Variants in GKN1 observed in about 807,000 individuals in gnomAD.
GKN1 encodes the protein gastrokine 1, also known as gastrokine-1.
Under a neutral mutation model 19.7 loss-of-function variants are expected in GKN1, and 17 were observed. The observed-to-expected ratio is 0.86, with a 90% confidence interval of 0.59 to 1.29. GKN1 has a LOEUF of 1.29. GKN1 is among the 50% of genes most tolerant of loss of function. The pLI is 0.00. For synonymous variants in GKN1, 96 were observed against 78.3 expected (o/e 1.23, Z -1.20); for missense variants, 218 against 224.5 (o/e 0.97, Z 0.19).
At chr2:68,975,819 G>A (rs1670252411) in intron 1 of GKN1, among the ~76,000 whole-genome samples, 1 of 152,122 alleles carries the variant, frequency 6.6e-6, no homozygotes, top group Non-Finnish European at 1.5e-5. Flanking sequence ...TTCTACCTCT[G>A]ACTTTTTAGG....
At chr2:68,980,150 G>T in intron 5 of GKN1, 90 bp downstream of exon 5, 1 of 1,125,362 alleles carries the variant, frequency 8.9e-7, no homozygotes, top group Non-Finnish European at 1.3e-6. Context: ...CACCAGTGAT[G>T]CAGGGATGGT....
Position 68,974,685 on chromosome 2 carries a change from T to C in GKN1, c.8T>C (p.Phe3Ser), listed in dbSNP as rs749800360. 2.3e-5 allele frequency: 36 copies of C among 1,581,484 alleles called. No individual in the cohort carries two copies. The highest frequency in any genetic ancestry group is 3.0e-5 in the Non-Finnish European group (34 of 1,150,214). The change falls in exon 1 of 6, where the codon TTC becomes TCC. Residue 3 changes from phenylalanine to serine, a missense_variant. Phe to Ser is a radical substitution (Grantham distance 155, BLOSUM62 -2). Coordinates refer to ENST00000377938, the MANE Select transcript of GKN1 (RefSeq NM_019617.4). ...TGCTTTCGTGAAGACAAGATGAAGT[T>C]CACAGTGAGTAGATTTTTCCTTTTG... is the stretch of plus-strand genomic sequence containing the variant. MK[F>S]TIVFAGLLGV...
chr2:68,978,271 G>GGAAAGAAAGAAAGAAAGAAAGAAA lies in GKN1; in HGVS notation c.204+500_204+523dup, dbSNP rs773400726. ...AGGAAAGAAAGAAAGAAGGAAGGAA[G>GGAAAGAAAGAAAGAAAGAAAGAAA]GAAAGAAAGAAAGAAAGAAAGAAAG... On this transcript the variant is annotated intron_variant, in intron 3 of 5. Coordinates refer to ENST00000377938, the MANE Select transcript of GKN1 (RefSeq NM_019617.4). Among the ~76,000 whole-genome samples the GGAAAGAAAGAAAGAAAGAAAGAAA allele has an allele frequency of 4.9e-4, 43 of 87,266 alleles. 3 individuals are homozygous for GGAAAGAAAGAAAGAAAGAAAGAAA. The highest frequency in any genetic ancestry group is 2.6e-3 in the African/African-American group (41 of 15,606). The allele number at this position is 87,266 out of a possible 152,430, so 57.2% of individuals were successfully genotyped here. A position where few individuals can be genotyped will look rare whatever the true frequency, so the allele number is the denominator to read the frequency against.
intron 1 of GKN1, among the ~76,000 whole-genome samples, chr2:68,976,668 C>T (rs182650124): frequency 5.0e-4 from 76 of 152,174 alleles, no homozygotes; most frequent in African/African-American, 1.7e-3. Context: ...TCTTAATACT[C>T]GAAGAAGTAT....
At chr2:68,978,259 A>AGAAAGAAGGAAG (rs796404147) in intron 3 of GKN1, 22 of 125,040 alleles carry the variant, frequency 1.8e-4, no homozygotes, top group African/African-American at 7.7e-4. Context: ...AAAGAAAGAA[A>AGAAAGAAGGAAG]GAAGGAAGGA....
In GKN1 at chr2:68,979,259, C is replaced by T. The variant is rs190466800; in HGVS notation, c.315+278C>T. On this transcript the variant is annotated intron_variant, in intron 4 of 5. Coordinates refer to ENST00000377938, the MANE Select transcript of GKN1 (RefSeq NM_019617.4). ...CACCAATAGGAGCCTCAGTACTTTG[C>T]CAAGGACATTTTTCTGCAAGAGTTA... is the stretch of plus-strand genomic sequence containing the variant. 2.3e-4 allele frequency among the ~76,000 whole-genome samples: 35 copies of T among 152,286 alleles called. No homozygotes were observed. The East Asian group carries it at 6.4e-3, about 28-fold the overall frequency.
chr2:68,980,691 T>C (rs571029572), intron 5 of GKN1, 38 bp from the exon 6 acceptor site: 1 of 1,040,470 alleles, frequency 9.6e-7, no homozygotes, highest in Admixed American at 1.7e-5. Context: ...AGTCCTTAAA[T>C]AGACATTAAT....
chr2:68,978,117 A>G, intron 3 of GKN1: 1 of 217,622 alleles, frequency 4.6e-6, no homozygotes, highest in Non-Finnish European at 9.2e-6. Context: ...AGCTTAGACT[A>G]TCTCACTTTG....
At chr2:68,977,883 A>C in intron 3 of GKN1, 109 bp downstream of exon 3, 5 of 879,958 alleles carry the variant, frequency 5.7e-6, no homozygotes, top group Non-Finnish European at 7.1e-6. Context: ...TTCTAATTAC[A>C]CATAGCATAC....
rs780507925 is a variant in GKN1 at position 68,977,496 on chromosome 2, T to C, written c.14T>C (p.Ile5Thr). The C allele has an allele frequency of 1.2e-6, 2 of 1,601,678 alleles. No homozygotes were observed. The highest frequency in any genetic ancestry group is 1.7e-6 in the Non-Finnish European group (2 of 1,169,344). Residue 5 changes from isoleucine (I) to threonine (T), a missense_variant and splice_region_variant, in exon 2 of 6, where the codon ATT (isoleucine) becomes ACT (threonine). Ile to Thr is a moderately conservative substitution (Grantham distance 89). Coordinates refer to ENST00000377938, the MANE Select transcript of GKN1 (RefSeq NM_019617.4). MKFT[I>T]VFAGLLGVFL... Reference sequence around the variant, plus strand: ...GACCAATGTTATTTGTGATTTCAGATTGTCTTTGCTGGACTTCTTGGAGTC... The same window carrying C: ...GACCAATGTTATTTGTGATTTCAGACTGTCTTTGCTGGACTTCTTGGAGTC...
Position 68,980,969 on chromosome 2 carries a change from G to T in GKN1, c.*146G>T. The T allele has an allele frequency of 3.2e-6, 2 of 616,624 alleles. No individual in the cohort carries two copies. Among genetic ancestry groups the T allele is most frequent in the South Asian group, 2.0e-5 (1 of 50,642 alleles). 38.2% of individuals were successfully genotyped at this position (616,624 alleles called of 1,614,324 possible). A position where few individuals can be genotyped will look rare whatever the true frequency, so the allele number is the denominator to read the frequency against. On this transcript the variant is annotated 3_prime_UTR_variant, in exon 6 of 6. Transcript: ENST00000377938. ...CTTTAAGTTTCAATAAAATCATTTAGCATTGAATTCAGTGTATACTCACAT... is the reference window on the plus strand; with the variant it reads ...CTTTAAGTTTCAATAAAATCATTTATCATTGAATTCAGTGTATACTCACAT...
Position 68,978,933 on chromosome 2 carries a change from A to T in GKN1, c.267A>T (p.Glu89Asp), listed in dbSNP as rs1236055347. 6.2e-7 allele frequency: 1 copy of T among 1,610,066 alleles called. No homozygotes were observed. Among genetic ancestry groups the T allele is most frequent in the East Asian group, 2.2e-5 (1 of 44,834 alleles). The change falls in exon 4 of 6, where the codon GAA (glutamate) becomes GAT (aspartate). Residue 89 changes from glutamate (E) to aspartate (D), a missense_variant. Transcript: ENST00000377938. ...KTCIVHKMNK[E>D]VMPSIQSLDA... ...GCATTGTGCACAAAATGAACAAGGA[A>T]GTCATGCCCTCCATTCAATCCCTTG...
At position 68,980,851 on chromosome 2, in the gene GKN1, A is replaced by G. The variant is rs757898143; in HGVS notation, c.*28A>G. The G allele has an allele frequency of 4.6e-6, 5 of 1,082,276 alleles. No homozygotes were observed. In the South Asian group the frequency reaches 6.2e-5, roughly 13 times the overall value. 67.0% of individuals were successfully genotyped at this position (1,082,276 alleles called of 1,614,324 possible). A position where few individuals can be genotyped will look rare whatever the true frequency, so the allele number is the denominator to read the frequency against. ...AATTTTTTAAAGCCACTATGGATTTAGTCATCTGAATATGCTGTGCAGAAA... is the reference window on the plus strand; with the variant it reads ...AATTTTTTAAAGCCACTATGGATTTGGTCATCTGAATATGCTGTGCAGAAA... On this transcript the variant is annotated 3_prime_UTR_variant, in exon 6 of 6. Coordinates refer to ENST00000377938, the MANE Select transcript of GKN1 (RefSeq NM_019617.4).
At chr2:68,979,845 A>G in intron 4 of GKN1, 68 bp from the exon 5 acceptor site, 1 of 1,408,066 alleles carries the variant, frequency 7.1e-7, no homozygotes, top group Non-Finnish European at 1.0e-6. Context: ...CCCTCAAGTC[A>G]ACAAACCACT....
In GKN1 at chr2:68,980,170, C is replaced by T. The variant is rs1670339177; in HGVS notation, c.463+110C>T. ...GTGATGCAGGGATGGTCATCAAGGC[C>T]AACATTTGTGCAGTGCTTGCTCTGT... On this transcript the variant is annotated intron_variant, in intron 5 of 5. Coordinates refer to ENST00000377938, the MANE Select transcript of GKN1 (RefSeq NM_019617.4). 12 of 915,992 alleles carry T rather than the reference C, an allele frequency of 1.3e-5. No homozygotes were observed. In the East Asian group the frequency reaches 3.0e-4, roughly 23 times the overall value. 56.7% of individuals were successfully genotyped at this position (915,992 alleles called of 1,614,324 possible). A position where few individuals can be genotyped will look rare whatever the true frequency, so the allele number is the denominator to read the frequency against.
chr2:68,978,823 A>C (rs1225230933), intron 3 of GKN1, 48 bp from the exon 4 acceptor site: 2 of 1,010,908 alleles, frequency 2.0e-6, no homozygotes, highest in Non-Finnish European at 3.1e-6. Context: ...TGATAAGAAA[A>C]GCTCCTCGGA....
At chr2:68,980,124 G>C in intron 5 of GKN1, 64 bp downstream of exon 5, 2 of 1,442,288 alleles carry the variant, frequency 1.4e-6, no homozygotes, top group South Asian at 2.3e-5. Flanking sequence ...CTATCCTCGC[G>C]CGTGTCCATA....
rs544432056 is a variant in GKN1 at position 68,974,880 on chromosome 2, G to T, written c.12+191G>T. 1.2e-4 allele frequency among the ~76,000 whole-genome samples: 19 copies of T among 152,174 alleles called. No individual in the cohort carries two copies. In the South Asian group the frequency reaches 3.7e-3, roughly 30 times the overall value. On this transcript the variant is annotated intron_variant, in intron 1 of 5. Coordinates refer to ENST00000377938, the MANE Select transcript of GKN1 (RefSeq NM_019617.4). ...CCTGTTGGGGGGTGGAGAGTGAGGG[G>T]AGGGAACTTAGAGGACAGGTCAATA...
At chr2:68,976,146 C>T (rs544933807) in intron 1 of GKN1, among the ~76,000 whole-genome samples, 1 of 152,024 alleles carries the variant, frequency 6.6e-6, no homozygotes. Context: ...TAATCCATTG[C>T]TTTGGAAAGT....
Sources: allele counts gnomAD v4.1 joint callset (sites outside exome capture counted in the v4.1 genomes callset), GRCh38; gene constraint gnomAD v4.1.1; transcripts MANE v1.5; gene names NCBI Gene and HGNC (gene_info 2026-07-23, HGNC 2026-07-21).